The following GK5 variants were observed in gnomAD, a reference collection of about 807,000 sequenced individuals.
GK5 encodes the protein ATP:glycerol 3-phosphotransferase 5.
Under a neutral mutation model 77.3 loss-of-function variants are expected in GK5, and 39 were observed. The observed-to-expected ratio is 0.50, with a 90% CI of 0.39 to 0.66. The LOEUF is 0.66. GK5 is among the 30% of genes least tolerant of loss of function. The probability of loss-of-function intolerance (pLI) is 0.00; values close to 1 mark genes in which losing one functional copy is unlikely to be tolerated. For synonymous variants in GK5, 211 were observed against 208.0 expected, an observed-to-expected ratio of 1.01 and a Z score of -0.13; for missense variants, 487 against 633.8, an observed-to-expected ratio of 0.77 and a Z score of 2.49.
Position 142,171,445 on chromosome 3 carries a change from CTCTT to C in GK5, c.1277_1280del (p.Lys426ArgfsTer6), listed in dbSNP as rs1434288910. On this transcript the variant is annotated frameshift_variant, in exon 14 of 16. Transcript: ENST00000392993. LOFTEE classifies it high-confidence loss of function. ...GGATTTTTCTTACAGGAATATGAATCTCTTTCTTCATCATCTCATATAACTGTTT... is the reference window on the plus strand; with the variant it reads ...GGATTTTTCTTACAGGAATATGAATCTCTTCATCATCTCATATAACTGTTT... The C allele has an allele frequency of 6.8e-7, 1 of 1,472,408 alleles. No individual in the cohort carries two copies. Among genetic ancestry groups the C allele is most frequent in the South Asian group, 1.3e-5 (1 of 79,134 alleles). 91.2% of individuals were successfully genotyped at this position (1,472,408 alleles called of 1,614,324 possible).
intron 1 of GK5, among the ~76,000 whole-genome samples, chr3:142,224,290 A>C (rs575907772): frequency 6.6e-6 from 1 of 152,278 alleles, no homozygotes; most frequent in South Asian, 2.1e-4. Context: ...CCTTGCCTGT[A>C]GTCCCAGCTA....
intron 6 of GK5, among the ~76,000 whole-genome samples, chr3:142,187,314 A>C (rs866426158): frequency 2.0e-5 from 3 of 152,158 alleles, no homozygotes; most frequent in Admixed American, 1.3e-4. Flanking sequence ...AAAAAAAAAA[A>C]AACTTCTGAC....
intron 5 of GK5, among the ~76,000 whole-genome samples, chr3:142,197,178 C>A (rs2063946700): frequency 6.6e-6 from 1 of 151,794 alleles, no homozygotes; most frequent in African/African-American, 2.4e-5. Context: ...CAGAGTGAGA[C>A]TCCGTCTCAA....
At chr3:142,190,529 C>T (rs1039523078) in intron 5 of GK5, among the ~76,000 whole-genome samples, 11 of 152,236 alleles carry the variant, frequency 7.2e-5, no homozygotes, top group Admixed American at 2.6e-4. Flanking sequence ...TCAAAATCAA[C>T]GAAGACCTCA....
At chr3:142,176,717 T>C (rs1360523136) in intron 12 of GK5, among the ~76,000 whole-genome samples, 5 of 96,022 alleles carry the variant, frequency 5.2e-5, no homozygotes, top group African/African-American at 8.1e-5. Flanking sequence ...CAGGCTGGAG[T>C]GCAGTGGCAT....
rs1328092651 is a variant in GK5 at position 142,185,950 on chromosome 3, C to G, written c.795G>C (p.Val265=). The G allele has an allele frequency of 4.3e-6, 7 of 1,610,098 alleles. No homozygotes were observed. In the Admixed American group the frequency reaches 8.4e-5, roughly 19 times the overall value. The change falls in exon 9 of 16, where the codon GTG becomes GTC. Residue 265 remains valine, a synonymous_variant. Coordinates refer to ENST00000392993, the MANE Select transcript of GK5 (RefSeq NM_001039547.3). ...TTACCAAGGCAACTATTGGTATAGG[C>G]ACACCAAATATCTCTTCATCCACTG... ...FGSVDEEIFG[V]PIPIVALVAD... is the part of the protein sequence containing the mutation.
chr3:142,179,913 T>C (rs1310723195), intron 11 of GK5, among the ~76,000 whole-genome samples: 1 of 152,194 alleles, frequency 6.6e-6, no homozygotes, highest in African/African-American at 2.4e-5. Flanking sequence ...AGAGGTAGCC[T>C]GAAACCCAAG....
intron 9 of GK5, 127 bp from the exon 10 acceptor site, chr3:142,183,176 T>G: frequency 4.2e-6 from 3 of 710,296 alleles, no homozygotes; most frequent in Non-Finnish European, 6.3e-6. Flanking sequence ...TCCTTAAAAT[T>G]AAAAAAAAAA....
At chr3:142,195,754 G>C (rs912902566) in intron 5 of GK5, among the ~76,000 whole-genome samples, 2 of 152,162 alleles carry the variant, frequency 1.3e-5, no homozygotes, top group African/African-American at 4.8e-5. Context: ...TGGCCTAAAA[G>C]AAAGAGCTGG....
At position 142,204,680 on chromosome 3, in the gene GK5, C is replaced by A; in HGVS notation, c.411+15G>T. 7.5e-7 allele frequency: 1 copy of A among 1,332,178 alleles called. No individual in the cohort carries two copies. The highest frequency in any genetic ancestry group is 1.1e-6 in the Non-Finnish European group (1 of 927,096). The allele number at this position is 1,332,178 out of a possible 1,614,324, so 82.5% of individuals were successfully genotyped here. On this transcript the variant is annotated intron_variant, in intron 4 of 15. Transcript: ENST00000392993. Reference sequence around the variant, plus strand: ...AAAAACCAACAATATCCAAATCACACAAGAAAAAGATTACCTTCATAAGAA... The same window carrying A: ...AAAAACCAACAATATCCAAATCACAAAAGAAAAAGATTACCTTCATAAGAA...
chr3:142,225,447 C>A lies in GK5; in HGVS notation c.9G>T (p.Gly3=), dbSNP rs531094287. 1 of 1,602,766 alleles carries A rather than the reference C, an allele frequency of 6.2e-7. No individual in the cohort carries two copies. Among genetic ancestry groups the A allele is most frequent in the African/African-American group, 1.3e-5 (1 of 74,570 alleles). The change falls in exon 1 of 16, where the codon GGG becomes GGT. Residue 3 remains glycine (G), a synonymous_variant. Coordinates refer to ENST00000392993, the MANE Select transcript of GK5 (RefSeq NM_001039547.3). The part of the protein sequence containing the change: MS[G]LLTDPEQRAQ... ...CTCTCTGCTCCGGGTCCGTGAGCAGCCCCGACATCCCGATCCCGCACGCCT... is the reference window on the plus strand; with the variant it reads ...CTCTCTGCTCCGGGTCCGTGAGCAGACCCGACATCCCGATCCCGCACGCCT...
intron 4 of GK5, among the ~76,000 whole-genome samples, chr3:142,202,732 G>A (rs183020485): frequency 3.9e-5 from 6 of 152,244 alleles, no homozygotes; most frequent in Non-Finnish European, 5.9e-5. Flanking sequence ...TGAGGTGGGC[G>A]GATCACGTGA....
rs1255704185 is a variant in GK5, at chr3:142,157,933, TTTG to T, written c.*7686_*7688del. 10 of 151,202 alleles carry T rather than the reference TTTG, an allele frequency of 6.6e-5. No homozygotes were observed. In the South Asian group the frequency reaches 8.4e-4, roughly 13 times the overall value. The allele number at this position is 151,202 out of a possible 1,614,324, so 9.4% of individuals were successfully genotyped here. On this transcript the variant is annotated 3_prime_UTR_variant, in exon 16 of 16. Transcript: ENST00000392993. ...ACAAGTGCTATTTCTCTGGTTGTTTTTTGTTGTTGTTGTTGTTGTTTTTGTTTT... is the reference window on the plus strand; with the variant it reads ...ACAAGTGCTATTTCTCTGGTTGTTTTTTGTTGTTGTTGTTGTTTTTGTTTT...
intron 15 of GK5, among the ~76,000 whole-genome samples, chr3:142,169,669 CTTTTTTTTTT>C (rs71304258): frequency 2.6e-5 from 3 of 116,932 alleles, no homozygotes; most frequent in Admixed American, 9.0e-5. Context: ...CCTTACTGTT[CTTTTTTTTTT>C]TTTTTTTTTT....
At chr3:142,219,978 CAATA>C (rs1394227960) in intron 1 of GK5, among the ~76,000 whole-genome samples, 2 of 152,120 alleles carry the variant, frequency 1.3e-5, no homozygotes, top group East Asian at 3.9e-4. Flanking sequence ...ATCAATCAAT[CAATA>C]AACAAATTTC....
At chr3:142,187,999 T>C (rs2063796429) in intron 5 of GK5, among the ~76,000 whole-genome samples, 1 of 152,128 alleles carries the variant, frequency 6.6e-6, no homozygotes, top group South Asian at 2.1e-4. Flanking sequence ...CTGTATAATA[T>C]TTCTGAAAGG....
In GK5 at chr3:142,165,167, C is replaced by A. The variant is rs1444777922; in HGVS notation, c.*455G>T. The A allele has an allele frequency of 6.5e-6, 1 of 152,832 alleles. No homozygotes were observed. The highest frequency in any genetic ancestry group is 1.5e-5 in the Non-Finnish European group (1 of 68,194). The allele number at this position is 152,832 out of a possible 1,614,324, so 9.5% of individuals were successfully genotyped here. On this transcript the variant is annotated 3_prime_UTR_variant, in exon 16 of 16. Coordinates refer to ENST00000392993, the MANE Select transcript of GK5 (RefSeq NM_001039547.3). The stretch of plus-strand genomic sequence containing the variant: ...AAAATTCCACATTTTCTCAGTTATT[C>A]TTTCTTTTTAGCTATATGTACTTCA...
chr3:142,207,087 T>G (rs2064119606), intron 3 of GK5, among the ~76,000 whole-genome samples: 2 of 152,228 alleles, frequency 1.3e-5, no homozygotes. Context: ...GGTGATGTGC[T>G]TCCCCCTGCA....
chr3:142,165,046 A>G lies in GK5; in HGVS notation c.*576T>C, dbSNP rs912629025. 1.3e-5 allele frequency: 2 copies of G among 152,656 alleles called. No individual in the cohort carries two copies. The highest frequency in any genetic ancestry group is 2.4e-5 in the African/African-American group (1 of 41,470). The allele number at this position is 152,656 out of a possible 1,614,324, so 9.5% of individuals were successfully genotyped here. A position where few individuals can be genotyped will look rare whatever the true frequency, so the allele number is the denominator to read the frequency against. Reference sequence around the variant, plus strand: ...TTAAGACCAGTAAAGGAAAGCATTAACTATCTCATAAGCTTATCTGAGAGG... The same window carrying G: ...TTAAGACCAGTAAAGGAAAGCATTAGCTATCTCATAAGCTTATCTGAGAGG... On this transcript the variant is annotated 3_prime_UTR_variant, in exon 16 of 16. Transcript: ENST00000392993.
Sources: allele counts gnomAD v4.1 joint callset (sites outside exome capture counted in the v4.1 genomes callset), GRCh38; gene constraint gnomAD v4.1.1; transcripts MANE v1.5; gene names NCBI Gene and HGNC (gene_info 2026-07-23, HGNC 2026-07-21).